The following ADGRF5 variants were observed in gnomAD, a reference collection of about 807,000 sequenced individuals.
ADGRF5 encodes the protein adhesion G protein-coupled receptor F5, also known as G-protein coupled receptor 116.
ADGRF5 carries 75 observed loss-of-function variants against 132.3 expected under a neutral mutation model. The observed-to-expected ratio is 0.57, with a 90% CI of 0.47 to 0.69. ADGRF5 has a LOEUF of 0.69. Ranked by LOEUF, ADGRF5 falls within the 30% of genes least tolerant of loss-of-function variation. ADGRF5 has a pLI of 0.00. For synonymous variants in ADGRF5, 629 were observed against 597.6 expected, an observed-to-expected ratio of 1.05 and a Z score of -0.77; for missense variants, 1,516 against 1,630.6, an observed-to-expected ratio of 0.93 and a Z score of 1.21.
intron 15 of ADGRF5, 41 bp from the exon 16 acceptor site, chr6:46,860,935 C>A: frequency 1.3e-6 from 2 of 1,495,738 alleles, no homozygotes; most frequent in South Asian, 1.2e-5. Context: ...ATTTACCAAT[C>A]AATTCAGCTA....
rs369969093 is a variant in ADGRF5 at position 46,881,457 on chromosome 6, A to G, written c.812T>C (p.Ile271Thr). The part of the protein sequence containing the change: ...MDYNSFQAVT[I>T]NESNFFVTPE... The stretch of plus-strand genomic sequence containing the variant: ...CATATCTAAACAATTTCACTTACTG[A>G]TAGTAACTGCTTGAAAGGAGTTGTA... The change falls in exon 8 of 21, where the codon ATC (isoleucine) becomes ACC (threonine). Residue 271 changes from isoleucine (I) to threonine (T), a missense_variant and splice_region_variant. Around this residue, in one of 2 missense-constraint regions of ADGRF5, gnomAD observed 945 missense variants for 929.4 expected, o/e 1.02. Transcript: ENST00000283296. 1 of 1,611,478 alleles carries G rather than the reference A, an allele frequency of 6.2e-7. No homozygotes were observed. Among genetic ancestry groups the G allele is most frequent in the Non-Finnish European group, 8.5e-7 (1 of 1,177,764 alleles).
At chr6:46,954,292 G>A (rs571466751) in intron 1 of ADGRF5, among the ~76,000 whole-genome samples, 4 of 151,432 alleles carry the variant, frequency 2.6e-5, no homozygotes, top group South Asian at 4.2e-4. Flanking sequence ...AGGAACACCC[G>A]TTCCTATTTC....
intron 13 of ADGRF5, 115 bp downstream of exon 13, chr6:46,866,810 T>C: frequency 1.6e-6 from 1 of 642,640 alleles, no homozygotes; most frequent in South Asian, 2.0e-5. Flanking sequence ...TTCTACTCTG[T>C]TAATTCTATC....
chr6:46,931,790 A>G (rs1305053541), intron 1 of ADGRF5, among the ~76,000 whole-genome samples: 1 of 152,172 alleles, frequency 6.6e-6, no homozygotes, highest in Non-Finnish European at 1.5e-5. Flanking sequence ...AAGAATGACT[A>G]ACATCTGTAA....
chr6:46,938,638 C>T (rs1051891948), intron 1 of ADGRF5, among the ~76,000 whole-genome samples: 1 of 152,164 alleles, frequency 6.6e-6, no homozygotes, highest in South Asian at 2.1e-4. Context: ...GGTGCTTAAT[C>T]AACCCTTTGG....
intron 10 of ADGRF5, among the ~76,000 whole-genome samples, chr6:46,877,142 A>C (rs1299662747): frequency 6.6e-6 from 1 of 152,178 alleles, no homozygotes; most frequent in Non-Finnish European, 1.5e-5. Context: ...GTGCTGGCCC[A>C]CCAGGCATGC....
chr6:46,916,512 C>A (rs1388352609), intron 1 of ADGRF5, among the ~76,000 whole-genome samples: 1 of 152,172 alleles, frequency 6.6e-6, no homozygotes, highest in South Asian at 2.1e-4. Flanking sequence ...AGCCCCTCAT[C>A]GGTTTGGATA....
intron 8 of ADGRF5, 45 bp from the exon 9 acceptor site, chr6:46,880,084 T>C (rs758705028): frequency 4.6e-6 from 6 of 1,318,502 alleles, no homozygotes; most frequent in South Asian, 2.4e-5. Context: ...AGCAAATAAA[T>C]GTCACTGATG....
intron 1 of ADGRF5, among the ~76,000 whole-genome samples, chr6:46,910,068 A>T (rs1775786155): frequency 6.6e-6 from 1 of 152,112 alleles, no homozygotes; most frequent in African/African-American, 2.4e-5. Context: ...GCTTAAGATC[A>T]ACTCTTCTCT....
intron 3 of ADGRF5, among the ~76,000 whole-genome samples, chr6:46,892,783 A>T (rs4714957): frequency 6.6e-6 from 1 of 151,964 alleles, no homozygotes; most frequent in Non-Finnish European, 1.5e-5. Context: ...CATTCAGGAA[A>T]AATGCATTGT....
In ADGRF5 at chr6:46,867,118, A is replaced by C; in HGVS notation, c.1641T>G (p.Phe547Leu). ...REWNGTYHCI[F>L]RYKNSYSIAT... ...CAATACTGTATGAATTCTTATATCTAAATATGCAGTGATAGGTTCCTGAGT... is the reference window on the plus strand; with the variant it reads ...CAATACTGTATGAATTCTTATATCTCAATATGCAGTGATAGGTTCCTGAGT... Residue 547 changes from phenylalanine to leucine, a missense_variant, in exon 13 of 21, where the codon TTT becomes TTG. Transcript: ENST00000283296. The C allele has an allele frequency of 6.2e-7, 1 of 1,607,044 alleles. No homozygotes were observed. The highest frequency in any genetic ancestry group is 8.5e-7 in the Non-Finnish European group (1 of 1,173,704).
rs202152357 is a variant in ADGRF5, at chr6:46,882,069, G to T, written c.651C>A (p.Gly217=). The change falls in exon 7 of 21, where the codon GGC becomes GGA. Residue 217 remains glycine (G), a synonymous_variant. Transcript: ENST00000283296. ...CTTACTTGAACCCTGTCACAGTCACGCCCTTGAAGCCTGGTAAAATTCCGT... is the reference window on the plus strand; with the variant it reads ...CTTACTTGAACCCTGTCACAGTCACTCCCTTGAAGCCTGGTAAAATTCCGT... ...KGYGILPGFK[G]VTVTGFKSGS... 2 of 1,610,038 alleles carry T rather than the reference G, an allele frequency of 1.2e-6. No individual in the cohort carries two copies. Among genetic ancestry groups the T allele is most frequent in the African/African-American group, 1.3e-5 (1 of 74,940 alleles).
At chr6:46,881,177 A>G (rs1391079124) in intron 8 of ADGRF5, among the ~76,000 whole-genome samples, 1 of 152,146 alleles carries the variant, frequency 6.6e-6, no homozygotes, top group Non-Finnish European at 1.5e-5. Flanking sequence ...CTGTGATATT[A>G]GTTTTACTTT....
At chr6:46,950,501 G>GT (rs1778457251) in intron 1 of ADGRF5, among the ~76,000 whole-genome samples, 1 of 152,010 alleles carries the variant, frequency 6.6e-6, no homozygotes, top group African/African-American at 2.4e-5. Flanking sequence ...AAGACCTGGT[G>GT]TTTTTTGTTT....
intron 1 of ADGRF5, among the ~76,000 whole-genome samples, chr6:46,915,961 C>A (rs900253845): frequency 6.6e-6 from 1 of 152,116 alleles, no homozygotes; most frequent in African/African-American, 2.4e-5. Flanking sequence ...CTTTCCCTTT[C>A]CTGGTTCTCA....
At chr6:46,943,540 A>G (rs975166907) in intron 1 of ADGRF5, among the ~76,000 whole-genome samples, 3 of 152,104 alleles carry the variant, frequency 2.0e-5, no homozygotes, top group South Asian at 4.1e-4. Flanking sequence ...GTTGAGGACC[A>G]CCTCCATCAC....
chr6:46,921,993 T>C (rs1351740754), upstream of ADGRF5: 1 of 152,268 alleles, frequency 6.6e-6, no homozygotes, highest in East Asian at 1.9e-4. Flanking sequence ...CCTGGTCCTC[T>C]TCCCCGGATG....
chr6:46,942,053 C>G (rs755473115), intron 1 of ADGRF5, among the ~76,000 whole-genome samples: 1 of 152,120 alleles, frequency 6.6e-6, no homozygotes, highest in Admixed American at 6.5e-5. Flanking sequence ...TCCTTAGCAC[C>G]CTGCAAGCAC....
intron 1 of ADGRF5, among the ~76,000 whole-genome samples, chr6:46,953,640 TAG>T (rs1778582980): frequency 2.5e-5 from 2 of 79,266 alleles, no homozygotes; most frequent in South Asian, 8.5e-4. Flanking sequence ...TATATATATA[TAG>T]ATATATGTGT....
Sources: allele counts gnomAD v4.1 joint callset (sites outside exome capture counted in the v4.1 genomes callset), GRCh38; gene constraint gnomAD v4.1.1; regional missense constraint gnomAD v4.1.1; transcripts MANE v1.5; gene names NCBI Gene and HGNC (gene_info 2026-07-23, HGNC 2026-07-21).